Variants in NET1 observed in about 807,000 individuals in gnomAD.
The protein encoded by NET1 is neuroepithelial cell-transforming gene 1 protein.
A neutral mutation model predicts 61.1 loss-of-function variants in NET1; 42 were observed. That is an observed-to-expected ratio of 0.69 (90% confidence interval 0.54 to 0.89). NET1 has a LOEUF of 0.89. Ranked by LOEUF, NET1 falls within the 40% of genes least tolerant of loss-of-function variation. The pLI is 0.00. For synonymous variants in NET1, 254 were observed against 281.8 expected, an observed-to-expected ratio of 0.90 and a Z score of 0.99; for missense variants, 654 against 747.3, an observed-to-expected ratio of 0.88 and a Z score of 1.46.
Position 5,431,337 on chromosome 10 carries a change from C to T in NET1, c.255+2108C>T, listed in dbSNP as rs900555277. Among the ~76,000 whole-genome samples, 1 of 152,200 alleles carries T rather than the reference C, an allele frequency of 6.6e-6. No individual in the cohort carries two copies. The highest frequency in any genetic ancestry group is 1.5e-5 in the Non-Finnish European group (1 of 68,044). On this transcript the variant is annotated intron_variant, in intron 3 of 11. Coordinates refer to ENST00000355029, the MANE Select transcript of NET1 (RefSeq NM_001047160.3). This position sits in a 1 kb window ranked among gnomAD's most constrained non-coding sequence, Gnocchi z 4.9. Reference sequence around the variant, plus strand: ...CCATGGTATCATTGACTATGTTCCTCTATTCCCTGTATTTCTGACAAGTTG... The same window carrying T: ...CCATGGTATCATTGACTATGTTCCTTTATTCCCTGTATTTCTGACAAGTTG...
At position 5,456,709 on chromosome 10, in the gene NET1, C is replaced by T. The variant is rs1832806073; in HGVS notation, c.1506C>T (p.Pro502=). 1.2e-6 allele frequency: 2 copies of T among 1,614,082 alleles called. No individual in the cohort carries two copies. Among genetic ancestry groups the T allele is most frequent in the South Asian group, 1.1e-5 (1 of 91,078 alleles). The change falls in exon 12 of 12, where the codon CCC becomes CCT. Residue 502 remains proline, a synonymous_variant. Coordinates refer to ENST00000355029, the MANE Select transcript of NET1 (RefSeq NM_001047160.3). This position sits in a 1 kb window ranked among gnomAD's most constrained non-coding sequence, Gnocchi z 7.0. ...ACTGTATTCGAGCGGCCATTGCCCCCTTCCAGTCGGCAGGCAGTCCACCTG... is the reference window on the plus strand; with the variant it reads ...ACTGTATTCGAGCGGCCATTGCCCCTTTCCAGTCGGCAGGCAGTCCACCTG... ...WFNCIRAAIA[P]FQSAGSPPEL...
At position 5,417,936 on chromosome 10, in the gene NET1, T is replaced by C. The variant is rs543845798; in HGVS notation, c.128+5116T>C. On this transcript the variant is annotated intron_variant, in intron 1 of 11. Transcript: ENST00000355029. The surrounding 1 kb of genome is among the most constrained non-coding windows in gnomAD (Gnocchi z 5.5). ...TGAAATGATCATGTGGTTGTTGTTA[T>C]TACTGATGTGTTACATTAATTGATT... is the stretch of plus-strand genomic sequence containing the variant. 3.6e-4 allele frequency among the ~76,000 whole-genome samples: 55 copies of C among 152,336 alleles called. No individual in the cohort carries two copies. Among genetic ancestry groups the C allele is most frequent in the Admixed American group, 1.2e-3 (18 of 15,300 alleles).
chr10:5,457,542 GT>G lies in NET1; in HGVS notation c.*551del, dbSNP rs1351282578. The G allele has an allele frequency of 6.6e-6, 1 of 152,476 alleles. No homozygotes were observed. Among genetic ancestry groups the G allele is most frequent in the Admixed American group, 6.5e-5 (1 of 15,280 alleles). 9.4% of individuals were successfully genotyped at this position (152,476 alleles called of 1,614,324 possible). On this transcript the variant is annotated 3_prime_UTR_variant, in exon 12 of 12. Coordinates refer to ENST00000355029, the MANE Select transcript of NET1 (RefSeq NM_001047160.3). This position sits in a 1 kb window ranked among gnomAD's most constrained non-coding sequence, Gnocchi z 5.4. Reference sequence around the variant, plus strand: ...TTATCAACTGGAATGCTTTATATTAGTTTGTTTTTCACTGTACATTCCTCAT... The same window carrying G: ...TTATCAACTGGAATGCTTTATATTAGTTGTTTTTCACTGTACATTCCTCAT...
At position 5,453,056 on chromosome 10, in the gene NET1, G is replaced by A. The variant is rs924916127; in HGVS notation, c.594+136G>A. ...TGGTGAATACATTTTTTTTAGGTGA[G>A]GTCTAGACACATCCTCAAATACAAG... On this transcript the variant is annotated intron_variant, in intron 6 of 11. Coordinates refer to ENST00000355029, the MANE Select transcript of NET1 (RefSeq NM_001047160.3). This position sits in a 1 kb window ranked among gnomAD's most constrained non-coding sequence, Gnocchi z 4.9. The A allele has an allele frequency of 1.4e-6, 1 of 726,020 alleles. No homozygotes were observed. Among genetic ancestry groups the A allele is most frequent in the Non-Finnish European group, 2.4e-6 (1 of 418,424 alleles). The allele number at this position is 726,020 out of a possible 1,614,324, so 45.0% of individuals were successfully genotyped here. A position where few individuals can be genotyped will look rare whatever the true frequency, so the allele number is the denominator to read the frequency against.
chr10:5,429,020 C>T, intron 2 of NET1, 150 bp from the exon 3 acceptor site: 1 of 498,484 alleles, frequency 2.0e-6, no homozygotes. Flanking sequence ...AGACGTGAGC[C>T]ACCGCGCCTG....
intron 3 of NET1, among the ~76,000 whole-genome samples, chr10:5,436,916 A>C (rs1832446484): frequency 6.6e-6 from 1 of 152,240 alleles, no homozygotes; most frequent in Non-Finnish European, 1.5e-5. Context: ...ACAGAGGTCC[A>C]AAAAAGAAAG....
At position 5,446,655 on chromosome 10, in the gene NET1, C is replaced by T. The variant is rs1255301704; in HGVS notation, c.256-5175C>T. ...GCGAGAGGCATGGGCACGTGGCTGCCGAGGGTGGCCGAGCTCTGGGAAGAA... is the reference window on the plus strand; with the variant it reads ...GCGAGAGGCATGGGCACGTGGCTGCTGAGGGTGGCCGAGCTCTGGGAAGAA... On this transcript the variant is annotated intron_variant, in intron 3 of 11. Coordinates refer to ENST00000355029, the MANE Select transcript of NET1 (RefSeq NM_001047160.3). This position sits in a 1 kb window ranked among gnomAD's most constrained non-coding sequence, Gnocchi z 5.0. The T allele has an allele frequency of 8.4e-6, 11 of 1,315,454 alleles. No homozygotes were observed. Among genetic ancestry groups the T allele is most frequent in the East Asian group, 2.8e-5 (1 of 35,540 alleles). The allele number at this position is 1,315,454 out of a possible 1,614,324, so 81.5% of individuals were successfully genotyped here. A position where few individuals can be genotyped will look rare whatever the true frequency, so the allele number is the denominator to read the frequency against.
chr10:5,433,269 T>C (rs1032277670), intron 3 of NET1, among the ~76,000 whole-genome samples: 11 of 152,152 alleles, frequency 7.2e-5, no homozygotes, highest in African/African-American at 2.7e-4. Flanking sequence ...TTTGTTTTGG[T>C]TTCTGAAGCT....
Position 5,453,840 on chromosome 10 carries a change from A to G in NET1, c.768+280A>G, listed in dbSNP as rs1832750284. ...GATTATCCGTTGCATTCTGTCATGTATGTTTAAGCGCATGCCAAATGCGGG... is the reference window on the plus strand; with the variant it reads ...GATTATCCGTTGCATTCTGTCATGTGTGTTTAAGCGCATGCCAAATGCGGG... On this transcript the variant is annotated intron_variant, in intron 8 of 11. Transcript: ENST00000355029. This position sits in a 1 kb window ranked among gnomAD's most constrained non-coding sequence, Gnocchi z 4.9. 6.6e-6 allele frequency among the ~76,000 whole-genome samples: 1 copy of G among 152,092 alleles called. No individual in the cohort carries two copies. The highest frequency in any genetic ancestry group is 2.1e-4 in the South Asian group (1 of 4,828).
chr10:5,425,421 C>T (rs189222355), intron 1 of NET1, among the ~76,000 whole-genome samples: 8 of 152,280 alleles, frequency 5.3e-5, no homozygotes, highest in Admixed American at 4.6e-4. Flanking sequence ...GCTTAAGGAT[C>T]ACATGTATAA....
chr10:5,412,618 A>G lies in NET1; in HGVS notation c.-75A>G. 1 of 1,400,748 alleles carries G rather than the reference A, an allele frequency of 7.1e-7. No homozygotes were observed. The highest frequency in any genetic ancestry group is 9.2e-7 in the Non-Finnish European group (1 of 1,081,926). 86.8% of individuals were successfully genotyped at this position (1,400,748 alleles called of 1,614,324 possible). On this transcript the variant is annotated 5_prime_UTR_variant, in exon 1 of 12. Coordinates refer to ENST00000355029, the MANE Select transcript of NET1 (RefSeq NM_001047160.3). The surrounding 1 kb of genome is among the most constrained non-coding windows in gnomAD (Gnocchi z 6.5). ...CTGACAGGCGCTTTCTGCCTGGCAG[A>G]GGCTGGCGGGCATCGTGCCCGTCCC...
In NET1 at chr10:5,446,496, GC is replaced by G; in HGVS notation, c.256-5331del. 2 of 975,348 alleles carry G rather than the reference GC, an allele frequency of 2.1e-6. No homozygotes were observed. The highest frequency in any genetic ancestry group is 3.4e-5 in the African/African-American group (2 of 58,824). The allele number at this position is 975,348 out of a possible 1,614,324, so 60.4% of individuals were successfully genotyped here. ...GGCGAAAGCTGAGAGGCCTAGGTGT[GC>G]CCAGCTCTCAGTTAACTGAAGTCAC... is the stretch of plus-strand genomic sequence containing the variant. On this transcript the variant is annotated intron_variant, in intron 3 of 11. Transcript: ENST00000355029. This position sits in a 1 kb window ranked among gnomAD's most constrained non-coding sequence, Gnocchi z 5.0.
At position 5,456,159 on chromosome 10, in the gene NET1, T is replaced by TAG. The variant is rs1480435073; in HGVS notation, c.1271_1272insGA (p.Tyr424Ter). ...RPVTRNERHS[Y>*]QVYRQPIPVQ... ...CGTCACACGGAACGAACGGCACTCT[T>TAG]ACCAGGTTTACCGGCAGCCAATCCC... The change falls in exon 11 of 12, where the codon TAC becomes TAGAC. Residue 424 changes from tyrosine (Y) to a stop codon, truncating the protein, a stop_gained and frameshift_variant. Coordinates refer to ENST00000355029, the MANE Select transcript of NET1 (RefSeq NM_001047160.3). LOFTEE classifies it high-confidence loss of function. The surrounding 1 kb of genome is among the most constrained non-coding windows in gnomAD (Gnocchi z 7.0). 6.2e-7 allele frequency: 1 copy of TAG among 1,614,240 alleles called. No individual in the cohort carries two copies. Among genetic ancestry groups the TAG allele is most frequent in the Non-Finnish European group, 8.5e-7 (1 of 1,180,046 alleles).
rs958494465 is a variant in NET1, at chr10:5,440,547, G to A, written c.256-11283G>A. ...GTGGAGACTATCACTTGTGCAGTCC[G>A]TAACTCTGATGGCTGATCTCTGCAT... On this transcript the variant is annotated intron_variant, in intron 3 of 11. Transcript: ENST00000355029. The surrounding 1 kb of genome is among the most constrained non-coding windows in gnomAD (Gnocchi z 4.1). Among the ~76,000 whole-genome samples, 11 of 152,144 alleles carry A rather than the reference G, an allele frequency of 7.2e-5. No homozygotes were observed. The highest frequency in any genetic ancestry group is 1.3e-4 in the Non-Finnish European group (9 of 68,024).
rs1216349532 is a variant in NET1 at position 5,446,291 on chromosome 10, G to A, written c.256-5539G>A. On this transcript the variant is annotated intron_variant, in intron 3 of 11. Transcript: ENST00000355029. The surrounding 1 kb of genome is among the most constrained non-coding windows in gnomAD (Gnocchi z 5.0). ...TAAGAATTTCTATTTCCTTATTTGA[G>A]TTGTCAAGTTGTCCATACTGAACTT... Among the ~76,000 whole-genome samples, 2 of 152,152 alleles carry A rather than the reference G, an allele frequency of 1.3e-5. No homozygotes were observed. Among genetic ancestry groups the A allele is most frequent in the African/African-American group, 4.8e-5 (2 of 41,448 alleles).
chr10:5,452,445 A>T lies in NET1; in HGVS notation c.451A>T (p.Arg151Trp), dbSNP rs552295716. The stretch of plus-strand genomic sequence containing the variant: ...AACAGTCCCAACACCCGCCAAGAGA[A>T]GGAGCAGTGCACTGTGGTCAGAGAT... ...RSTVPTPAKRRSSALWSEMLD... is the reference protein window; with the variant it reads ...RSTVPTPAKRWSSALWSEMLD... The change falls in exon 5 of 12, where the codon AGG (arginine) becomes TGG (tryptophan). Residue 151 changes from arginine to tryptophan, a missense_variant. Physicochemically the swap from Arg to Trp is moderately radical, Grantham distance 101. Coordinates refer to ENST00000355029, the MANE Select transcript of NET1 (RefSeq NM_001047160.3). This position sits in a 1 kb window ranked among gnomAD's most constrained non-coding sequence, Gnocchi z 4.0. 1 of 1,614,074 alleles carries T rather than the reference A, an allele frequency of 6.2e-7. No homozygotes were observed. Among genetic ancestry groups the T allele is most frequent in the African/African-American group, 1.3e-5 (1 of 74,928 alleles).
In NET1 at chr10:5,456,833, G is replaced by GT. The variant is rs761367377; in HGVS notation, c.1632dup (p.Thr545TyrfsTer6). ...GAGGAGGGCATCCACAGTTTCCAGT[G>GT]TTACTCAGGTAGAAGTTGATGAAAA... On this transcript the variant is annotated frameshift_variant, in exon 12 of 12. Coordinates refer to ENST00000355029, the MANE Select transcript of NET1 (RefSeq NM_001047160.3). LOFTEE classifies it low-confidence loss of function (END_TRUNC). The surrounding 1 kb of genome is among the most constrained non-coding windows in gnomAD (Gnocchi z 7.0). 9.9e-6 allele frequency: 16 copies of GT among 1,614,038 alleles called. No individual in the cohort carries two copies. In the East Asian group the frequency reaches 3.6e-4, roughly 36 times the overall value.
At chr10:5,414,438 G>A (rs1446726776) in intron 1 of NET1, among the ~76,000 whole-genome samples, 1 of 152,206 alleles carries the variant, frequency 6.6e-6, no homozygotes, top group African/African-American at 2.4e-5. Context: ...CCCCAAAAAT[G>A]TGCACATATA....
chr10:5,428,499 C>A (rs57489971), intron 2 of NET1, among the ~76,000 whole-genome samples: 103,533 of 147,624 alleles, frequency 0.7, 36,627 homozygotes, highest in Admixed American at 0.75. Flanking sequence ...TGTTCCTTTT[C>A]AAAAAAAAAA....
Sources: allele counts gnomAD v4.1 joint callset (sites outside exome capture counted in the v4.1 genomes callset), GRCh38; gene constraint gnomAD v4.1.1; non-coding constraint Gnocchi (gnomAD v3.1); transcripts MANE v1.5; gene names NCBI Gene and HGNC (gene_info 2026-07-23, HGNC 2026-07-21).